Variants in QTGAL observed in about 807,000 individuals in gnomAD.
The protein encoded by QTGAL is BGnT-like protein 1.
the QTGAL span, among the ~76,000 whole-genome samples, chr17:82,998,597 G>A: frequency 2.0e-5 from 3 of 151,908 alleles, no homozygotes; most frequent in African/African-American, 7.3e-5. Context: ...CACCCACCTT[G>A]GCCTCCCAAA....
At chr17:82,999,877 C>G in the QTGAL span, among the ~76,000 whole-genome samples, 1,845 of 152,298 alleles carry the variant, frequency 0.012, 43 homozygotes, top group African/African-American at 0.042. Context: ...TAGGGTGTCA[C>G]TCAAGGTTTA....
chr17:83,037,201 C>T, the QTGAL span, among the ~76,000 whole-genome samples: 1 of 152,154 alleles, frequency 6.6e-6, no homozygotes, highest in African/African-American at 2.4e-5. This position sits in a 1 kb window ranked among gnomAD's most constrained non-coding sequence, Gnocchi z 5.2. Flanking sequence ...TCGGCCACAC[C>T]CGTGGCACTC....
At chr17:82,953,292 G>A in the QTGAL span, among the ~76,000 whole-genome samples, 2 of 152,090 alleles carry the variant, frequency 1.3e-5, no homozygotes, top group South Asian at 4.2e-4. Context: ...GCAAAGAAAA[G>A]AAGAATCAAG....
the QTGAL span, chr17:82,949,966 G>A: frequency 2.6e-5 from 4 of 152,176 alleles, no homozygotes; most frequent in Non-Finnish European, 5.9e-5. Flanking sequence ...ACATAGGGCT[G>A]GTTTCCTGTC....
the QTGAL span, among the ~76,000 whole-genome samples, chr17:83,029,953 C>G: frequency 6.6e-6 from 1 of 152,192 alleles, no homozygotes; most frequent in African/African-American, 2.4e-5. Flanking sequence ...CTTTCTTGAC[C>G]TACAACTGTC....
the QTGAL span, among the ~76,000 whole-genome samples, chr17:83,010,294 A>G: frequency 2.0e-5 from 3 of 152,142 alleles, no homozygotes; most frequent in Non-Finnish European, 4.4e-5. Flanking sequence ...GGCGAAGGTG[A>G]AGGAGGAGCA....
the QTGAL span, chr17:83,006,720 C>T: frequency 4.1e-5 from 40 of 985,498 alleles, no homozygotes; most frequent in African/African-American, 7.0e-4. This position sits in a 1 kb window ranked among gnomAD's most constrained non-coding sequence, Gnocchi z 5.8. Context: ...TTTCGCACTG[C>T]TCCTCGGCTC....
chr17:82,950,924 A>G, the QTGAL span, among the ~76,000 whole-genome samples: 13 of 152,240 alleles, frequency 8.5e-5, no homozygotes, highest in Non-Finnish European at 1.6e-4. Context: ...CAGGCAGAGC[A>G]GATTTAGCCT....
At chr17:82,999,278 GCACA>G in the QTGAL span, among the ~76,000 whole-genome samples, 3 of 148,330 alleles carry the variant, frequency 2.0e-5, no homozygotes, top group African/African-American at 5.2e-5. Context: ...TCACTGTCAT[GCACA>G]CACAAAGGCT....
chr17:82,946,865 G>C, the QTGAL span: 1 of 1,532,226 alleles, frequency 6.5e-7, no homozygotes, highest in Non-Finnish European at 8.9e-7. Flanking sequence ...TGGTTCTTCG[G>C]TGAAAAGACC....
chr17:83,027,017 G>A, the QTGAL span, among the ~76,000 whole-genome samples: 10 of 137,856 alleles, frequency 7.3e-5, no homozygotes, highest in South Asian at 2.4e-4. Context: ...GCGGGGCAGG[G>A]AGCCTGCAGA....
chr17:83,039,232 T>C, the QTGAL span, among the ~76,000 whole-genome samples: 1 of 150,736 alleles, frequency 6.6e-6, no homozygotes, highest in Non-Finnish European at 1.5e-5. Flanking sequence ...GCCCCTGTTC[T>C]AGACACACTG....
the QTGAL span, among the ~76,000 whole-genome samples, chr17:82,977,667 C>T: frequency 6.6e-6 from 1 of 152,074 alleles, no homozygotes; most frequent in African/African-American, 2.4e-5. Flanking sequence ...ACTCTCCCTC[C>T]TCAGACAACT....
At chr17:83,033,596 C>T in the QTGAL span, among the ~76,000 whole-genome samples, 1 of 151,416 alleles carries the variant, frequency 6.6e-6, no homozygotes, top group Non-Finnish European at 1.5e-5. Context: ...CTCAGCCTCC[C>T]GAGTAGCTGG....
the QTGAL span, chr17:83,006,505 G>C: frequency 1.0e-6 from 1 of 985,320 alleles, no homozygotes; most frequent in Non-Finnish European, 1.2e-6. The surrounding 1 kb of genome is among the most constrained non-coding windows in gnomAD (Gnocchi z 5.8). Context: ...CAAGGTCAAC[G>C]CCGCACCAGG....
chr17:83,024,328 C>T, the QTGAL span, among the ~76,000 whole-genome samples: 1 of 148,244 alleles, frequency 6.7e-6, no homozygotes, highest in South Asian at 2.1e-4. Context: ...AGCATCGACT[C>T]CCTCCTAGAG....
At chr17:82,975,756 A>G in the QTGAL span, among the ~76,000 whole-genome samples, 1 of 100,086 alleles carries the variant, frequency 1.0e-5, no homozygotes, top group East Asian at 3.2e-4. Context: ...CCCAGGGACC[A>G]GAGGCCACTA....
chr17:82,963,384 G>T, the QTGAL span, among the ~76,000 whole-genome samples: 26 of 152,328 alleles, frequency 1.7e-4, 1 homozygote, highest in African/African-American at 6.0e-4. Flanking sequence ...GGGGACAGAA[G>T]GGGGAGAGCT....
At chr17:82,955,415 C>T in the QTGAL span, among the ~76,000 whole-genome samples, 2 of 152,182 alleles carry the variant, frequency 1.3e-5, no homozygotes, top group African/African-American at 2.4e-5. Context: ...TATCACTGGT[C>T]GTTAGAGAAA....
Sources: allele counts gnomAD v4.1 joint callset (sites outside exome capture counted in the v4.1 genomes callset), GRCh38; gene constraint gnomAD v4.1.1; non-coding constraint Gnocchi (gnomAD v3.1); transcripts MANE v1.5; gene names NCBI Gene and HGNC (gene_info 2026-07-23, HGNC 2026-07-21).